TRHDE: variants seen among roughly 807,000 people sequenced by gnomAD.
TRHDE encodes the protein thyrotropin-releasing hormone-degrading ectoenzyme.
In TRHDE, 72 loss-of-function variants were observed where a neutral mutation model predicts 125.7. That is an observed-to-expected ratio of 0.57 (90% CI 0.47 to 0.70). The LOEUF (loss-of-function observed/expected upper bound fraction) is 0.70, where lower values mean the gene tolerates loss of function less well. Ranked by LOEUF, TRHDE falls within the 30% of genes least tolerant of loss-of-function variation. The pLI, the probability that TRHDE is intolerant of heterozygous loss-of-function variation, is 0.00. For synonymous variants in TRHDE, 509 were observed against 509.1 expected (o/e 1.00, Z 0.00); for missense variants, 1,110 against 1,327.1 (o/e 0.84, Z 2.54).
intron 2 of TRHDE, among the ~76,000 whole-genome samples, chr12:72,194,347 C>G (rs1461623116): frequency 2.6e-5 from 4 of 152,058 alleles, no homozygotes; most frequent in African/African-American, 9.7e-5. Flanking sequence ...TGTACTATTG[C>G]ACCAGCCTTC....
intron 15 of TRHDE, among the ~76,000 whole-genome samples, chr12:72,632,962 C>G (rs1873561679): frequency 6.6e-6 from 1 of 151,778 alleles, no homozygotes; most frequent in Non-Finnish European, 1.5e-5. Flanking sequence ...TGTTTTTGTG[C>G]TTTGGCAATT....
At chr12:72,353,856 A>G (rs1592564001) in intron 2 of TRHDE, among the ~76,000 whole-genome samples, 1 of 151,510 alleles carries the variant, frequency 6.6e-6, no homozygotes, top group African/African-American at 2.4e-5. Context: ...TGGTGTGGCC[A>G]TTTCAGAGAG....
chr12:72,098,735 C>T (rs911248449), intron 1 of TRHDE, among the ~76,000 whole-genome samples: 1 of 152,182 alleles, frequency 6.6e-6, no homozygotes, highest in African/African-American at 2.4e-5. Context: ...CAGCCAACAG[C>T]TAGAACCAAC....
intron 3 of TRHDE, among the ~76,000 whole-genome samples, chr12:72,399,527 A>G (rs2135801155): frequency 6.6e-6 from 1 of 152,316 alleles, no homozygotes; most frequent in Middle Eastern, 3.4e-3. Flanking sequence ...TATTCACATA[A>G]GAACATAAAT....
intron 6 of TRHDE, among the ~76,000 whole-genome samples, chr12:72,517,454 G>C (rs1878934168): frequency 6.6e-6 from 1 of 151,976 alleles, no homozygotes; most frequent in South Asian, 2.1e-4. Flanking sequence ...AGTATTCTCT[G>C]ATGGTAGTTT....
intron 1 of TRHDE, among the ~76,000 whole-genome samples, chr12:72,088,598 G>A (rs1194484549): frequency 3.3e-5 from 5 of 151,676 alleles, no homozygotes; most frequent in Admixed American, 2.0e-4. Context: ...ACTTTGCTGC[G>A]CCTCGGTTCT....
intron 2 of TRHDE, among the ~76,000 whole-genome samples, chr12:72,334,082 CA>C (rs1275724327): frequency 3.3e-5 from 5 of 151,996 alleles, no homozygotes; most frequent in Non-Finnish European, 7.4e-5. Context: ...AGAAGAGCAG[CA>C]GTGGCTTCTA....
intron 2 of TRHDE, among the ~76,000 whole-genome samples, chr12:72,227,312 C>A (rs530331797): frequency 6.6e-6 from 1 of 152,112 alleles, no homozygotes; most frequent in Non-Finnish European, 1.5e-5. Context: ...TGAAAGAAGA[C>A]AAAGGAGAAG....
chr12:72,113,078 T>G (rs1034579757), intron 2 of TRHDE, among the ~76,000 whole-genome samples: 1 of 152,096 alleles, frequency 6.6e-6, no homozygotes, highest in Admixed American at 6.6e-5. Context: ...AGAGCAGTGG[T>G]GTGATCATGG....
At chr12:72,439,313 AT>A in intron 3 of TRHDE, among the ~76,000 whole-genome samples, 1 of 151,286 alleles carries the variant, frequency 6.6e-6, no homozygotes, top group African/African-American at 2.4e-5. Flanking sequence ...AAATTTTGAG[AT>A]TTTTTTCTAT....
rs569732459 is a variant in TRHDE, at chr12:72,343,732, T to C, written c.1189-34263T>C. Among the ~76,000 whole-genome samples, 4 of 152,226 alleles carry C rather than the reference T, an allele frequency of 2.6e-5. No individual in the cohort carries two copies. The East Asian group carries it at 7.7e-4, about 29-fold the overall frequency. Reference sequence around the variant, plus strand: ...TTTTGAAGTGAAAAAAAGAATTGACTGTAGATAGAGTAATGTGAAACTTAA... The same window carrying C: ...TTTTGAAGTGAAAAAAAGAATTGACCGTAGATAGAGTAATGTGAAACTTAA... On this transcript the variant is annotated intron_variant, in intron 2 of 18. Coordinates refer to ENST00000261180, the MANE Select transcript of TRHDE (RefSeq NM_013381.3).
intron 2 of TRHDE, among the ~76,000 whole-genome samples, chr12:72,224,075 TATCCATCTATCTATCC>T (rs1565666515): frequency 0.011 from 729 of 67,480 alleles, 3 homozygotes; most frequent in African/African-American, 0.018. Flanking sequence ...CCTATCTATC[TATCCATCTATCTATCC>T]ATCTATCTAT....
intron 3 of TRHDE, among the ~76,000 whole-genome samples, chr12:72,454,636 G>A (rs1004256176): frequency 6.6e-6 from 1 of 152,128 alleles, no homozygotes; most frequent in Non-Finnish European, 1.5e-5. Flanking sequence ...AGCAAACTCA[G>A]GGGAAAGGAC....
chr12:72,367,540 GA>G (rs546097776), intron 2 of TRHDE, among the ~76,000 whole-genome samples: 17 of 150,778 alleles, frequency 1.1e-4, no homozygotes, highest in South Asian at 2.1e-4. Flanking sequence ...CTTTTGCTTA[GA>G]AAAAAAAATG....
chr12:72,362,125 G>A (rs894744555), intron 2 of TRHDE, among the ~76,000 whole-genome samples: 1 of 129,376 alleles, frequency 7.7e-6, no homozygotes, highest in African/African-American at 3.0e-5. Flanking sequence ...CTAGATCCCT[G>A]AGGAATCGCC....
At chr12:72,220,636 C>G (rs1353394019) in intron 2 of TRHDE, among the ~76,000 whole-genome samples, 1 of 152,122 alleles carries the variant, frequency 6.6e-6, no homozygotes, top group Non-Finnish European at 1.5e-5. Flanking sequence ...AACTCTCACT[C>G]AAAGGTTACT....
intron 6 of TRHDE, among the ~76,000 whole-genome samples, chr12:72,528,691 G>A (rs1363711858): frequency 6.6e-6 from 1 of 151,960 alleles, no homozygotes; most frequent in Non-Finnish European, 1.5e-5. Context: ...GTTTCACCAT[G>A]TTGTTCAGGC....
chr12:72,320,995 G>C (rs75984831), intron 2 of TRHDE, among the ~76,000 whole-genome samples: 1 of 152,256 alleles, frequency 6.6e-6, no homozygotes, highest in Admixed American at 6.5e-5. Flanking sequence ...TTGATTCGAA[G>C]TGAAGGATAT....
chr12:72,590,164 TG>T (rs899575056), intron 12 of TRHDE, among the ~76,000 whole-genome samples: 3 of 152,008 alleles, frequency 2.0e-5, no homozygotes, highest in African/African-American at 7.2e-5. Flanking sequence ...TTATTTTTTT[TG>T]TTTTTATTGA....
Sources: gnomAD v4.1 joint callset for allele counts (sites outside exome capture counted in the v4.1 genomes callset) on GRCh38, gnomAD v4.1.1 for gene constraint, MANE v1.5 for transcripts, NCBI Gene and HGNC (gene_info 2026-07-23, HGNC 2026-07-21) for gene names.